Variants in ATG13 observed in about 807,000 individuals in gnomAD.
ATG13 encodes the protein autophagy related 13.
A neutral mutation model predicts 65.5 loss-of-function variants in ATG13; 23 were observed. The observed-to-expected ratio is 0.35, with a 90% CI of 0.25 to 0.50. ATG13 has a LOEUF of 0.50. ATG13 is among the 20% of genes least tolerant of loss of function. The pLI is 0.98. For synonymous variants in ATG13, 252 were observed against 245.2 expected (o/e 1.03, Z -0.26); for missense variants, 566 against 677.0 (o/e 0.84, Z 1.82).
chr11:46,626,202 G>A (rs1429806810), intron 1 of ATG13, among the ~76,000 whole-genome samples: 3 of 152,096 alleles, frequency 2.0e-5, no homozygotes, highest in East Asian at 1.9e-4. Context: ...TGATCCACCC[G>A]CCTCGGCCTC....
At chr11:46,628,430 A>C (rs2050490768) in intron 1 of ATG13, among the ~76,000 whole-genome samples, 1 of 152,176 alleles carries the variant, frequency 6.6e-6, no homozygotes, top group Admixed American at 6.5e-5. Context: ...CCGCGTTTTA[A>C]GCATCCAAAG....
In ATG13 at chr11:46,663,634, T is replaced by A. The variant is rs1475724379; in HGVS notation, c.790-363T>A. Among the ~76,000 whole-genome samples the A allele has an allele frequency of 2.0e-5, 3 of 152,304 alleles. No homozygotes were observed. In the East Asian group the frequency reaches 5.8e-4, roughly 29 times the overall value. On this transcript the variant is annotated intron_variant, in intron 11 of 18. Transcript: ENST00000683050. ...ACACCTTGCATCTGCAGTCAGACCT[T>A]TCTGTTGGAAGCTGCTGTCTGACTT...
intron 5 of ATG13, 99 bp downstream of exon 5, chr11:46,646,088 T>C: frequency 6.9e-7 from 1 of 1,446,834 alleles, no homozygotes; most frequent in Non-Finnish European, 9.3e-7. Flanking sequence ...CCCTTTCCTC[T>C]CTGATATTCT....
At chr11:46,654,439 G>A (rs1042727894) in intron 7 of ATG13, among the ~76,000 whole-genome samples, 1 of 150,826 alleles carries the variant, frequency 6.6e-6, no homozygotes, top group African/African-American at 2.4e-5. Context: ...TTGAGGCCAG[G>A]ACCAGGGGCA....
intron 2 of ATG13, among the ~76,000 whole-genome samples, chr11:46,640,106 A>G (rs1223869515): frequency 2.6e-5 from 4 of 152,120 alleles, no homozygotes; most frequent in Non-Finnish European, 4.4e-5. Context: ...TGGCCCCCCA[A>G]AGTACTGGGA....
At chr11:46,668,666 T>G in intron 16 of ATG13, 90 bp downstream of exon 16, 20 of 1,518,596 alleles carry the variant, frequency 1.3e-5, no homozygotes, top group Non-Finnish European at 1.8e-5. Flanking sequence ...CCACAGACTA[T>G]AAACCATGGC....
intron 12 of ATG13, 118 bp from the exon 13 acceptor site, chr11:46,664,731 G>A: frequency 1.2e-6 from 1 of 847,698 alleles, no homozygotes; most frequent in Non-Finnish European, 1.9e-6. Context: ...TGCACTGTGG[G>A]CATGTGGGCG....
At chr11:46,622,531 A>G (rs1245804917) in intron 1 of ATG13, among the ~76,000 whole-genome samples, 4 of 152,298 alleles carry the variant, frequency 2.6e-5, no homozygotes, top group East Asian at 3.9e-4. Flanking sequence ...ACCAAAAACA[A>G]AATTTTAAAG....
chr11:46,644,608 G>C (rs2057057311), intron 3 of ATG13, among the ~76,000 whole-genome samples: 1 of 148,832 alleles, frequency 6.7e-6, no homozygotes, highest in African/African-American at 2.5e-5. Flanking sequence ...TTGCAAGTCT[G>C]TTTGCAGAAA....
intron 1 of ATG13, among the ~76,000 whole-genome samples, chr11:46,628,826 A>G (rs1019715231): frequency 3.3e-5 from 5 of 152,132 alleles, no homozygotes; most frequent in Admixed American, 6.6e-5. Flanking sequence ...TGGCAAATGC[A>G]TAAGTCTTAT....
chr11:46,663,965 T>G (rs2061718715), intron 11 of ATG13, 32 bp from the exon 12 acceptor site: 1 of 1,259,034 alleles, frequency 7.9e-7, no homozygotes, highest in Non-Finnish European at 1.1e-6. Context: ...TTTTTTTTTG[T>G]TTCTCCTGTC....
intron 7 of ATG13, among the ~76,000 whole-genome samples, chr11:46,653,426 G>A (rs139582853): frequency 0.022 from 3,394 of 151,582 alleles, 124 homozygotes; most frequent in African/African-American, 0.078. Flanking sequence ...CGCCCACCTC[G>A]GCCTCCCAGA....
At chr11:46,670,388 G>T (rs1162697813) in intron 18 of ATG13, among the ~76,000 whole-genome samples, 1 of 151,750 alleles carries the variant, frequency 6.6e-6, no homozygotes, top group Admixed American at 6.6e-5. Flanking sequence ...GGCAGAGGCA[G>T]GAGAATCACT....
chr11:46,659,603 G>A (rs2060742456), intron 11 of ATG13, 118 bp downstream of exon 11: 4 of 782,084 alleles, frequency 5.1e-6, no homozygotes, highest in Non-Finnish European at 8.4e-6. Flanking sequence ...TGTTTCAAAG[G>A]GGTTACTTTG....
intron 14 of ATG13, among the ~76,000 whole-genome samples, chr11:46,665,797 CTTTT>C (rs1159523560): frequency 5.7e-5 from 5 of 87,766 alleles, no homozygotes; most frequent in Non-Finnish European, 8.2e-5. Flanking sequence ...TTTATTTTTC[CTTTT>C]TTTTTTTTTT....
chr11:46,647,055 C>T (rs965849643), intron 5 of ATG13, among the ~76,000 whole-genome samples: 2 of 152,020 alleles, frequency 1.3e-5, no homozygotes, highest in Admixed American at 6.6e-5. Context: ...GGTTTTTGAA[C>T]TTATTATTCC....
chr11:46,657,336 TGGA>T, intron 9 of ATG13, 145 bp downstream of exon 9: 1 of 943,364 alleles, frequency 1.1e-6, no homozygotes, highest in Non-Finnish European at 1.6e-6. Context: ...GTTGCCAGAT[TGGA>T]GAATTTGAGT....
chr11:46,653,185 T>C (rs566913655), intron 7 of ATG13, among the ~76,000 whole-genome samples: 109 of 150,198 alleles, frequency 7.3e-4, no homozygotes, highest in Non-Finnish European at 8.9e-5. Context: ...CTTTTCTTTT[T>C]TTTTTTTTTT....
chr11:46,642,505 A>G (rs969727930), intron 2 of ATG13, among the ~76,000 whole-genome samples: 7 of 151,776 alleles, frequency 4.6e-5, no homozygotes, highest in Non-Finnish European at 8.8e-5. Context: ...GGGTTTCACC[A>G]TGTTGGCCAG....
Sources: allele counts gnomAD v4.1 joint callset (sites outside exome capture counted in the v4.1 genomes callset), GRCh38; gene constraint gnomAD v4.1.1; transcripts MANE v1.5; gene names NCBI Gene and HGNC (gene_info 2026-07-23, HGNC 2026-07-21).